LRRC4C: variants seen among roughly 807,000 people sequenced by gnomAD.
LRRC4C encodes leucine-rich repeat-containing protein 4C.
LRRC4C carries 5 observed loss-of-function variants against 33.6 expected under a neutral mutation model. The observed-to-expected ratio is 0.15, with a 90% CI of 0.08 to 0.31. The LOEUF is 0.31. LRRC4C is among the 10% of genes least tolerant of loss of function. LRRC4C has a pLI of 1.00. For missense variants in LRRC4C, 560 were observed against 796.7 expected (o/e 0.70, Z 3.58); for synonymous variants, 329 against 302.0 (o/e 1.09, Z -0.93).
intron 2 of LRRC4C, among the ~76,000 whole-genome samples, chr11:40,787,581 A>G (rs1215398669): frequency 1.3e-5 from 2 of 152,224 alleles, no homozygotes; most frequent in Non-Finnish European, 2.9e-5. Context: ...TCACTGTTGT[A>G]AACTTATTCT....
intron 1 of LRRC4C, among the ~76,000 whole-genome samples, chr11:41,136,892 T>C (rs1196988954): frequency 6.6e-6 from 1 of 152,198 alleles, no homozygotes; most frequent in Non-Finnish European, 1.5e-5. Context: ...TTAAGTGTGA[T>C]ATTGCCTACA....
chr11:40,166,869 G>A (rs942865701), intron 5 of LRRC4C, among the ~76,000 whole-genome samples: 8 of 151,994 alleles, frequency 5.3e-5, no homozygotes, highest in Non-Finnish European at 1.0e-4. Flanking sequence ...TGTTTATATG[G>A]GTAGAGATGT....
intron 3 of LRRC4C, among the ~76,000 whole-genome samples, chr11:40,527,866 A>G (rs1224250494): frequency 2.0e-5 from 3 of 151,974 alleles, no homozygotes; most frequent in Non-Finnish European, 4.4e-5. Context: ...CTCCTGCCTC[A>G]GCCTCCCAAG....
intron 3 of LRRC4C, among the ~76,000 whole-genome samples, chr11:40,326,934 G>T (rs1477741309): frequency 6.6e-6 from 1 of 152,178 alleles, no homozygotes; most frequent in South Asian, 2.1e-4. Flanking sequence ...GAGTGATAAA[G>T]GTTTCAAACA....
At chr11:40,766,831 T>A (rs1949497492) in intron 2 of LRRC4C, among the ~76,000 whole-genome samples, 1 of 147,038 alleles carries the variant, frequency 6.8e-6, no homozygotes. Context: ...CCAGAGAAAA[T>A]TATCTTCAAA....
chr11:40,475,464 A>T, intron 3 of LRRC4C, among the ~76,000 whole-genome samples: 1 of 152,014 alleles, frequency 6.6e-6, no homozygotes, highest in East Asian at 1.9e-4. Context: ...AGTGGGGGCT[A>T]GGGGAGGGAT....
At chr11:40,214,642 C>G (rs1417598947) in intron 5 of LRRC4C, among the ~76,000 whole-genome samples, 1 of 152,118 alleles carries the variant, frequency 6.6e-6, no homozygotes, top group Non-Finnish European at 1.5e-5. Flanking sequence ...GCTGTGTAAG[C>G]ACACTACCAG....
In LRRC4C at chr11:40,912,642, C is replaced by T. The variant is rs1020044129; in HGVS notation, c.-407+20993G>A. On this transcript the variant is annotated intron_variant, in intron 2 of 6. Transcript: ENST00000528697. ...GCTAGGAAGAAACTGCATCAACTAA[C>T]GAGCAAAATAACCAGCTAACATCAT... 6.2e-4 allele frequency among the ~76,000 whole-genome samples: 94 copies of T among 152,210 alleles called. 1 individual carries two copies. In the East Asian group the frequency reaches 0.011, roughly 18 times the overall value.
At chr11:41,327,307 A>C (rs1379612286) in intron 1 of LRRC4C, among the ~76,000 whole-genome samples, 4 of 152,200 alleles carry the variant, frequency 2.6e-5, no homozygotes, top group Non-Finnish European at 5.9e-5. Flanking sequence ...TTGGAGGAGC[A>C]GCCAGCAGCT....
At chr11:41,124,697 T>TA (rs201203519) in intron 1 of LRRC4C, among the ~76,000 whole-genome samples, 460 of 152,278 alleles carry the variant, frequency 3.0e-3, no homozygotes, top group African/African-American at 0.01. Flanking sequence ...ATTTCTACGT[T>TA]AAAAAAATGT....
rs79050631 is a variant in LRRC4C at position 40,329,114 on chromosome 11, T to C, written c.-269-9393A>G. On this transcript the variant is annotated intron_variant, in intron 3 of 6. Transcript: ENST00000528697. ...GAGTGAGTGACAAAATGCTACTCTT[T>C]ATAAGTGGGGCTGATTCTGTGCTCC... is the stretch of plus-strand genomic sequence containing the variant. 7.3e-3 allele frequency among the ~76,000 whole-genome samples: 1,110 copies of C among 152,312 alleles called. 15 individuals carry two copies. Among genetic ancestry groups the C allele is most frequent in the African/African-American group, 0.025 (1,044 of 41,552 alleles).
chr11:41,197,958 C>G (rs1366426045), intron 1 of LRRC4C, among the ~76,000 whole-genome samples: 1 of 151,838 alleles, frequency 6.6e-6, no homozygotes, highest in Non-Finnish European at 1.5e-5. Context: ...CTGCCATCAC[C>G]CCTGTTGTTA....
At chr11:41,114,959 G>C (rs1942037487) in intron 1 of LRRC4C, among the ~76,000 whole-genome samples, 1 of 152,042 alleles carries the variant, frequency 6.6e-6, no homozygotes, top group Non-Finnish European at 1.5e-5. Context: ...GAATAACACA[G>C]TGGAGGAGGA....
At chr11:40,859,183 C>A (rs937647138) in intron 2 of LRRC4C, among the ~76,000 whole-genome samples, 6 of 152,098 alleles carry the variant, frequency 3.9e-5, no homozygotes, top group South Asian at 2.1e-4. Flanking sequence ...TTAAGAGAAT[C>A]GTGGACTAAG....
chr11:40,926,668 T>C (rs73484717), intron 2 of LRRC4C, among the ~76,000 whole-genome samples: 31 of 151,410 alleles, frequency 2.0e-4, no homozygotes, highest in African/African-American at 6.5e-4. Flanking sequence ...AATTTGGTTA[T>C]AGTATACTTT....
chr11:40,983,146 T>C (rs1362620245), intron 1 of LRRC4C, among the ~76,000 whole-genome samples: 2 of 152,212 alleles, frequency 1.3e-5, no homozygotes, highest in East Asian at 1.9e-4. Context: ...AGCATACATA[T>C]GTCTTTACAA....
At chr11:40,883,115 T>C (rs970304852) in intron 2 of LRRC4C, among the ~76,000 whole-genome samples, 2 of 152,086 alleles carry the variant, frequency 1.3e-5, no homozygotes, top group Non-Finnish European at 2.9e-5. Context: ...TCTATTCCCA[T>C]GTCCTGTCAT....
chr11:40,713,445 G>A (rs1159238853), intron 2 of LRRC4C, among the ~76,000 whole-genome samples: 1 of 152,110 alleles, frequency 6.6e-6, no homozygotes, highest in Non-Finnish European at 1.5e-5. Flanking sequence ...AAACTCAGGA[G>A]ATATGCAGAC....
intron 2 of LRRC4C, among the ~76,000 whole-genome samples, chr11:40,817,642 A>G (rs1249171917): frequency 6.6e-6 from 1 of 152,112 alleles, no homozygotes; most frequent in Non-Finnish European, 1.5e-5. Context: ...AATGACAAAC[A>G]TCATCCAGTA....
Sources: gnomAD v4.1 joint callset for allele counts (sites outside exome capture counted in the v4.1 genomes callset) on GRCh38, gnomAD v4.1.1 for gene constraint, MANE v1.5 for transcripts, NCBI Gene and HGNC (gene_info 2026-07-23, HGNC 2026-07-21) for gene names.